CARD10: variants seen among roughly 807,000 people sequenced by gnomAD.
CARD10 encodes caspase recruitment domain family member 10, also known as caspase recruitment domain-containing protein 10.
CARD10 carries 49 observed loss-of-function variants against 114.6 expected under a neutral mutation model. That is an observed-to-expected ratio of 0.43 (90% CI 0.34 to 0.54). The LOEUF (loss-of-function observed/expected upper bound fraction) is 0.54, where lower values mean the gene tolerates loss of function less well. Ranked by LOEUF, CARD10 falls within the 20% of genes least tolerant of loss-of-function variation. The pLI is 0.03. For synonymous variants in CARD10, 602 were observed against 593.2 expected, an observed-to-expected ratio of 1.01 and a Z score of -0.21; for missense variants, 1,206 against 1,397.2, an observed-to-expected ratio of 0.86 and a Z score of 2.18.
At position 37,495,509 on chromosome 22, in the gene CARD10, G is replaced by A. The variant is rs774233420; in HGVS notation, c.2373+8C>T. On this transcript the variant is annotated splice_region_variant and intron_variant, in intron 15 of 19. Transcript: ENST00000251973. ...CCCCCCACCCACTACCTGCCCAGCC[G>A]TGCTCACATTACTGCGGGGGCCTCG... is the stretch of plus-strand genomic sequence containing the variant. 224 of 1,607,414 alleles carry A rather than the reference G, an allele frequency of 1.4e-4. 1 individual carries two copies. Among genetic ancestry groups the A allele is most frequent in the Middle Eastern group, 1.7e-4 (1 of 5,904 alleles).
intron 15 of CARD10, chr22:37,494,464 C>A: frequency 2.0e-6 from 1 of 506,544 alleles, no homozygotes; most frequent in African/African-American, 1.9e-5. Context: ...GGTATACCCC[C>A]CAAGCTACAG....
In CARD10 at chr22:37,490,591, C is replaced by T. The variant is rs41280029; in HGVS notation, c.*568G>A. 0.015 allele frequency: 2,249 copies of T among 152,716 alleles called. 26 individuals carry two copies. Among genetic ancestry groups the T allele is most frequent in the Middle Eastern group, 0.097 (29 of 300 alleles). The allele number at this position is 152,716 out of a possible 1,614,324, so 9.5% of individuals were successfully genotyped here. A position where few individuals can be genotyped will look rare whatever the true frequency, so the allele number is the denominator to read the frequency against. ...AAACAGGGGTGGGGCGTGACATTTACACAGGAGAGAACCACAGACACCCAT... is the reference window on the plus strand; with the variant it reads ...AAACAGGGGTGGGGCGTGACATTTATACAGGAGAGAACCACAGACACCCAT... On this transcript the variant is annotated 3_prime_UTR_variant, in exon 20 of 20. Transcript: ENST00000251973.
intron 4 of CARD10, chr22:37,508,893 C>G: frequency 7.7e-7 from 1 of 1,303,050 alleles, no homozygotes; most frequent in South Asian, 1.4e-5. Flanking sequence ...CAGGGAGTAT[C>G]TGGGGTACAA....
In CARD10 at chr22:37,501,375, G is replaced by T. The variant is rs575946023; in HGVS notation, c.1787+1227C>A. On this transcript the variant is annotated intron_variant, in intron 11 of 19. Coordinates refer to ENST00000251973, the MANE Select transcript of CARD10 (RefSeq NM_014550.4). The surrounding 1 kb of genome is among the most constrained non-coding windows in gnomAD (Gnocchi z 5.4). ...CCCAAACTGGAGGAAGGGAGGAAGG[G>T]CCGAGGCGAGCAGGAAGGGAGGCGC... 7.9e-5 allele frequency among the ~76,000 whole-genome samples: 12 copies of T among 152,326 alleles called. No homozygotes were observed. In the East Asian group the frequency reaches 1.4e-3, roughly 17 times the overall value.
intron 11 of CARD10, among the ~76,000 whole-genome samples, chr22:37,499,512 CCACCTCTACTCGCTCCCTCCTCCA>C (rs1923136178): frequency 6.6e-6 from 1 of 151,940 alleles, no homozygotes; most frequent in African/African-American, 2.4e-5. Context: ...CCCACCCCAC[CCACCTCTACTCGCTCCCTCCTCCA>C]CACCTCTCCC....
At chr22:37,498,095 T>C (rs750369922) in intron 11 of CARD10, among the ~76,000 whole-genome samples, 9 of 152,070 alleles carry the variant, frequency 5.9e-5, no homozygotes, top group Non-Finnish European at 7.4e-5. Flanking sequence ...GAACACAGGA[T>C]GCGTGGAAGA....
rs576798763 is a variant in CARD10, at chr22:37,510,248, C to T, written c.873G>A (p.Thr291=). The T allele has an allele frequency of 3.2e-5, 52 of 1,602,672 alleles. No homozygotes were observed. In the South Asian group the frequency reaches 3.5e-4, roughly 11 times the overall value. The change falls in exon 4 of 20, where the codon ACG becomes ACA. Residue 291 remains threonine (T), a synonymous_variant. Transcript: ENST00000251973. The part of the protein sequence containing the change: ...SELRAENQRL[T]ASLRELQEGL... ...CCTCCTGCAACTCCCGCAGTGACGC[C>T]GTCAGCCGCTGGTTCTCAGCACGCA...
Position 37,504,225 on chromosome 22 carries a change from A to G in CARD10, c.1595T>C (p.Leu532Pro). 1 of 1,576,790 alleles carries G rather than the reference A, an allele frequency of 6.3e-7. No individual in the cohort carries two copies. The change falls in exon 9 of 20, where the codon CTC becomes CCC. Residue 532 changes from leucine (L) to proline (P), a missense_variant. By Grantham distance (98) the Leu-to-Pro change is moderately conservative. This residue lies in a region of CARD10 where 1,068 missense variants were observed against 1,179.1 expected (regional missense o/e 0.91). Coordinates refer to ENST00000251973, the MANE Select transcript of CARD10 (RefSeq NM_014550.4). ...GGGGTCTTCCTCACGCTGCCGGCGG[A>G]GGATGGAGCCGGCACTGGGGGGGAA... ...LPFPPSAGSI[L>P]RRQREEDPAP...
intron 3 of CARD10, among the ~76,000 whole-genome samples, chr22:37,511,129 T>C (rs1440907442): frequency 6.8e-6 from 1 of 146,462 alleles, no homozygotes; most frequent in African/African-American, 2.6e-5. Flanking sequence ...CCTAACACTT[T>C]AGAAGGCCGA....
chr22:37,516,888 C>G (rs984765913), intron 2 of CARD10, among the ~76,000 whole-genome samples: 2 of 152,162 alleles, frequency 1.3e-5, no homozygotes, highest in African/African-American at 2.4e-5. Context: ...TAACTAGTAA[C>G]CTGTGAACTG....
intron 9 of CARD10, among the ~76,000 whole-genome samples, chr22:37,503,822 C>A (rs1923305937): frequency 6.6e-6 from 1 of 152,192 alleles, no homozygotes; most frequent in African/African-American, 2.4e-5. Flanking sequence ...ATGCCCAAAC[C>A]TGGGGCCTGG....
rs779530759 is a variant in CARD10, at chr22:37,492,746, G to A, written c.2533C>T (p.Leu845=). Residue 845 remains leucine, a synonymous_variant, in exon 17 of 20, where the codon CTG becomes TTG. Transcript: ENST00000251973. The surrounding 1 kb of genome is among the most constrained non-coding windows in gnomAD (Gnocchi z 5.7). ...TCAGGCAACAGCACCACGGGCCGCA[G>A]GGCAGACACCAGTAGCGGCCGCACC... The part of the protein sequence containing the change: ...SLVRPLLVSA[L]RPVVLLPECL... The A allele has an allele frequency of 6.2e-7, 1 of 1,612,990 alleles. No homozygotes were observed. The highest frequency in any genetic ancestry group is 8.5e-7 in the Non-Finnish European group (1 of 1,179,936).
chr22:37,518,166 G>A, intron 1 of CARD10, 58 bp from the exon 2 acceptor site: 4 of 1,567,296 alleles, frequency 2.6e-6, no homozygotes, highest in Non-Finnish European at 3.5e-6. Flanking sequence ...CCAGGTGCCT[G>A]GTTGCTTCTG....
Position 37,504,231 on chromosome 22 carries a change from G to C in CARD10, c.1589C>G (p.Ser530Cys). 4 of 1,579,338 alleles carry C rather than the reference G, an allele frequency of 2.5e-6. No individual in the cohort carries two copies. The highest frequency in any genetic ancestry group is 3.4e-6 in the Non-Finnish European group (4 of 1,161,790). The change falls in exon 9 of 20, where the codon TCC (serine) becomes TGC (cysteine). Residue 530 changes from serine to cysteine, a missense_variant. Ser to Cys is a moderately radical substitution (Grantham distance 112). Around this residue, in one of 2 missense-constraint regions of CARD10, gnomAD observed 1,068 missense variants for 1,179.1 expected, o/e 0.91. Transcript: ENST00000251973. ...SILPFPPSAG[S>C]ILRRQREEDP... ...TTCCTCACGCTGCCGGCGGAGGATG[G>C]AGCCGGCACTGGGGGGGAAGGGCAG...
chr22:37,494,514 G>C, intron 15 of CARD10: 1 of 382,578 alleles, frequency 2.6e-6, no homozygotes. Flanking sequence ...GGAACCAAAT[G>C]TCACATACGA....
rs1384146673 is a variant in CARD10, at chr22:37,492,075, C to T, written c.2752-208G>A. On this transcript the variant is annotated intron_variant, in intron 18 of 19. Transcript: ENST00000251973. The surrounding 1 kb of genome is among the most constrained non-coding windows in gnomAD (Gnocchi z 5.7). Reference sequence around the variant, plus strand: ...GCAACCTGGAGATACAGACCTCCCCCTCAGGACCTAGGCCTCCCCACCCGG... The same window carrying T: ...GCAACCTGGAGATACAGACCTCCCCTTCAGGACCTAGGCCTCCCCACCCGG... 1.3e-5 allele frequency among the ~76,000 whole-genome samples: 2 copies of T among 152,106 alleles called. No individual in the cohort carries two copies. Among genetic ancestry groups the T allele is most frequent in the African/African-American group, 4.8e-5 (2 of 41,490 alleles).
intron 3 of CARD10, among the ~76,000 whole-genome samples, chr22:37,511,420 AGGGAG>A (rs1923642812): frequency 2.2e-5 from 2 of 92,170 alleles, no homozygotes; most frequent in African/African-American, 4.7e-5. Flanking sequence ...GGGGAGGAGG[AGGGAG>A]GGGGAAGAGG....
intron 3 of CARD10, among the ~76,000 whole-genome samples, chr22:37,514,325 G>A (rs1601819473): frequency 6.6e-6 from 1 of 152,050 alleles, no homozygotes; most frequent in South Asian, 2.1e-4. Context: ...ATCCTTATCT[G>A]TGATGAGGAT....
intron 5 of CARD10, 128 bp from the exon 6 acceptor site, chr22:37,508,082 C>G (rs764400822): frequency 2.7e-6 from 3 of 1,130,462 alleles, no homozygotes; most frequent in Non-Finnish European, 3.8e-6. Flanking sequence ...AAGTCCCCTC[C>G]TGCCCAGTGG....
Sources: gnomAD v4.1 joint callset for allele counts (sites outside exome capture counted in the v4.1 genomes callset) on GRCh38, gnomAD v4.1.1 for gene constraint, gnomAD v4.1.1 regional missense constraint, Gnocchi (gnomAD v3.1) non-coding constraint, MANE v1.5 for transcripts, NCBI Gene and HGNC (gene_info 2026-07-23, HGNC 2026-07-21) for gene names.